The following COMMD10 variants were observed in gnomAD, a reference collection of about 807,000 sequenced individuals.
The protein encoded by COMMD10 is COMM domain-containing protein 10.
A neutral mutation model predicts 28.9 loss-of-function variants in COMMD10; 33 were observed. The ratio of observed to expected loss-of-function variants is 1.14; its 90% CI spans 0.87 to 1.53. COMMD10 has a LOEUF of 1.53. Ranked by LOEUF, COMMD10 falls within the 40% of genes most tolerant of loss-of-function variation. The pLI is 0.00. For synonymous variants in COMMD10, 110 were observed against 81.7 expected, an observed-to-expected ratio of 1.35 and a Z score of -1.87; for missense variants, 310 against 233.4, an observed-to-expected ratio of 1.33 and a Z score of -2.14.
intron 4 of COMMD10, among the ~76,000 whole-genome samples, chr5:116,093,957 G>C (rs1262371927): frequency 6.6e-6 from 1 of 152,140 alleles, no homozygotes; most frequent in Non-Finnish European, 1.5e-5. Context: ...ATGGTGCTAG[G>C]AAAACTGGAT....
chr5:116,269,773 T>G (rs2112695504), intron 5 of COMMD10, among the ~76,000 whole-genome samples: 1 of 151,984 alleles, frequency 6.6e-6, no homozygotes, highest in South Asian at 2.1e-4. Flanking sequence ...CATCTTGGTT[T>G]GCTTACATGT....
intron 5 of COMMD10, among the ~76,000 whole-genome samples, chr5:116,185,781 T>G (rs1350457818): frequency 6.6e-6 from 1 of 152,148 alleles, no homozygotes; most frequent in Non-Finnish European, 1.5e-5. Flanking sequence ...TGCCTCTGAT[T>G]GCTTCCTCCT....
rs981638746 is a variant in COMMD10 at position 116,268,838 on chromosome 5, A to G, written c.511-22679A>G. ...TGGAAACCATCATTCTCAGGAAACT[A>G]TTGCAAGGACAGAAAACCAAACACC... On this transcript the variant is annotated intron_variant, in intron 5 of 6. Coordinates refer to ENST00000274458, the MANE Select transcript of COMMD10 (RefSeq NM_016144.4). 3.3e-5 allele frequency among the ~76,000 whole-genome samples: 5 copies of G among 151,802 alleles called. No homozygotes were observed. The East Asian group carries it at 7.7e-4, about 23-fold the overall frequency.
At chr5:116,285,377 A>G (rs1751190661) in intron 5 of COMMD10, among the ~76,000 whole-genome samples, 1 of 151,814 alleles carries the variant, frequency 6.6e-6, no homozygotes, top group Non-Finnish European at 1.5e-5. Flanking sequence ...TTGGCCTGCC[A>G]CCCTTTCCTT....
intron 6 of COMMD10, among the ~76,000 whole-genome samples, chr5:116,292,157 A>T (rs1751381235): frequency 6.6e-6 from 1 of 152,076 alleles, no homozygotes; most frequent in Non-Finnish European, 1.5e-5. Context: ...ATTAAAAAAA[A>T]AATTATGGAG....
rs113427747 is a variant in COMMD10 at position 116,140,229 on chromosome 5, C to CTG, written c.510+6052_510+6053insGT. On this transcript the variant is annotated intron_variant, in intron 5 of 6. Coordinates refer to ENST00000274458, the MANE Select transcript of COMMD10 (RefSeq NM_016144.4). ...CCTTTTTCAAGGCTGACTCATACTA[C>CTG]TATGTGTGTGTGTGTGTGTGTGTGT... is the stretch of plus-strand genomic sequence containing the variant. Among the ~76,000 whole-genome samples, 617 of 121,896 alleles carry CTG rather than the reference C, an allele frequency of 5.1e-3. 1 individual carries two copies. Among genetic ancestry groups the CTG allele is most frequent in the East Asian group, 0.025 (110 of 4,416 alleles). The allele number at this position is 121,896 out of a possible 152,430, so 80.0% of individuals were successfully genotyped here.
At chr5:116,178,356 TAGTA>T (rs751222089) in intron 5 of COMMD10, among the ~76,000 whole-genome samples, 1 of 152,086 alleles carries the variant, frequency 6.6e-6, no homozygotes, top group African/African-American at 2.4e-5. Flanking sequence ...TGCGATTAAT[TAGTA>T]AGATTAAAGC....
chr5:116,179,866 A>ACC (rs2112594335), intron 5 of COMMD10, among the ~76,000 whole-genome samples: 1 of 152,182 alleles, frequency 6.6e-6, no homozygotes, highest in African/African-American at 2.4e-5. Context: ...ACTCAAATCT[A>ACC]CAAGACATTT....
At chr5:116,119,742 AC>A (rs1751361710) in intron 4 of COMMD10, among the ~76,000 whole-genome samples, 1 of 151,856 alleles carries the variant, frequency 6.6e-6, no homozygotes, top group African/African-American at 2.4e-5. Flanking sequence ...TTCCCAAGTA[AC>A]TAGGACTACA....
At chr5:116,113,190 G>GT (rs1184193915) in intron 4 of COMMD10, among the ~76,000 whole-genome samples, 1 of 151,968 alleles carries the variant, frequency 6.6e-6, no homozygotes, top group East Asian at 1.9e-4. Context: ...TCTGCTGTTA[G>GT]TTTGATGGAC....
intron 5 of COMMD10, among the ~76,000 whole-genome samples, chr5:116,238,502 A>G (rs1366009900): frequency 6.6e-6 from 1 of 152,206 alleles, no homozygotes; most frequent in Non-Finnish European, 1.5e-5. Context: ...ATTCCCATTA[A>G]GTTTTATTCA....
chr5:116,121,320 T>C (rs1337109530), intron 4 of COMMD10, among the ~76,000 whole-genome samples: 1 of 152,216 alleles, frequency 6.6e-6, no homozygotes, highest in East Asian at 1.9e-4. Context: ...CTAATCCTTT[T>C]TTATGGCTGC....
At position 116,270,951 on chromosome 5, in the gene COMMD10, A is replaced by G. The variant is rs190286552; in HGVS notation, c.511-20566A>G. On this transcript the variant is annotated intron_variant, in intron 5 of 6. Transcript: ENST00000274458. ...AAACTCTGTCTCAAAAAATAATAAT[A>G]AAGATTATATATAAATAAATAAAAT... Among the ~76,000 whole-genome samples the G allele has an allele frequency of 3.3e-5, 5 of 151,052 alleles. No individual in the cohort carries two copies. In the Admixed American group the frequency reaches 3.3e-4, roughly 10 times the overall value.
intron 5 of COMMD10, among the ~76,000 whole-genome samples, chr5:116,196,946 G>C (rs1336002684): frequency 6.6e-6 from 1 of 152,064 alleles, no homozygotes; most frequent in Non-Finnish European, 1.5e-5. Context: ...CATTTCTGTC[G>C]ATGTATTCCT....
intron 5 of COMMD10, among the ~76,000 whole-genome samples, chr5:116,226,734 T>G (rs1561676148): frequency 1.3e-5 from 2 of 152,120 alleles, no homozygotes; most frequent in African/African-American, 4.8e-5. Flanking sequence ...TAGATGGCCT[T>G]AATATTTCTG....
At chr5:116,194,043 TTAAA>T (rs1464067010) in intron 5 of COMMD10, among the ~76,000 whole-genome samples, 1 of 152,044 alleles carries the variant, frequency 6.6e-6, no homozygotes, top group African/African-American at 2.4e-5. Context: ...TACATGGAAA[TTAAA>T]TAACTTGCTC....
At position 116,110,711 on chromosome 5, in the gene COMMD10, G is replaced by C. The variant is rs530408271; in HGVS notation, c.399+18011G>C. ...AGGCTGTACTGGAAGCATGATGCTA[G>C]CACCTGGGGAGGCCTTGAGAAACAA... On this transcript the variant is annotated intron_variant, in intron 4 of 6. Transcript: ENST00000274458. 5.3e-4 allele frequency among the ~76,000 whole-genome samples: 81 copies of C among 152,306 alleles called. 3 individuals are homozygous for C. Among genetic ancestry groups the C allele is most frequent in the Middle Eastern group, 3.4e-3 (1 of 294 alleles).
chr5:116,191,712 G>A (rs1748376312), intron 5 of COMMD10, among the ~76,000 whole-genome samples: 1 of 151,758 alleles, frequency 6.6e-6, no homozygotes, highest in African/African-American at 2.4e-5. Flanking sequence ...ACCCACCCTA[G>A]TAGCGGAAGA....
intron 5 of COMMD10, among the ~76,000 whole-genome samples, chr5:116,285,113 A>C (rs1268418236): frequency 6.6e-6 from 1 of 151,880 alleles, no homozygotes; most frequent in Non-Finnish European, 1.5e-5. Context: ...CTAAAAATGC[A>C]ATGACTCCAG....
Sources: allele counts gnomAD v4.1 joint callset (sites outside exome capture counted in the v4.1 genomes callset), GRCh38; gene constraint gnomAD v4.1.1; transcripts MANE v1.5; gene names NCBI Gene and HGNC (gene_info 2026-07-23, HGNC 2026-07-21).